Variants in SH3RF3 observed in about 807,000 individuals in gnomAD.
SH3RF3 encodes E3 ubiquitin-protein ligase SH3RF3.
SH3RF3 carries 29 observed loss-of-function variants against 66.3 expected under a neutral mutation model. The ratio of observed to expected loss-of-function variants is 0.44; its 90% CI spans 0.33 to 0.60. The LOEUF (loss-of-function observed/expected upper bound fraction) is 0.60. Among genes scored for constraint, SH3RF3 ranks in the 20% least tolerant of loss-of-function variants. The pLI is 0.04. For missense variants in SH3RF3, 1,194 were observed against 1,190.9 expected (o/e 1.00, Z -0.04); for synonymous variants, 583 against 532.0 (o/e 1.10, Z -1.32).
intron 1 of SH3RF3, among the ~76,000 whole-genome samples, chr2:109,148,917 A>C (rs150220648): frequency 6.6e-6 from 1 of 152,314 alleles, no homozygotes; most frequent in African/African-American, 2.4e-5. Flanking sequence ...ACCCAAAAAA[A>C]ATCAAGTTCT....
intron 8 of SH3RF3, among the ~76,000 whole-genome samples, chr2:109,487,241 C>T (rs926030138): frequency 5.3e-5 from 8 of 152,188 alleles, no homozygotes; most frequent in Non-Finnish European, 1.2e-4. Flanking sequence ...ACCTCTTCTC[C>T]TCCCACGGTG....
intron 1 of SH3RF3, among the ~76,000 whole-genome samples, chr2:109,334,997 C>G (rs947986454): frequency 6.6e-6 from 1 of 152,256 alleles, no homozygotes; most frequent in Admixed American, 6.5e-5. Context: ...GCTCTGAGAA[C>G]GCGATTTATG....
intron 1 of SH3RF3, among the ~76,000 whole-genome samples, chr2:109,323,005 G>T (rs1403199429): frequency 6.6e-6 from 1 of 152,218 alleles, no homozygotes; most frequent in Non-Finnish European, 1.5e-5. Flanking sequence ...GAGCTGTGTT[G>T]CAGAGGGATT....
At chr2:109,324,918 C>A (rs1682113595) in intron 1 of SH3RF3, among the ~76,000 whole-genome samples, 1 of 152,226 alleles carries the variant, frequency 6.6e-6, no homozygotes, top group African/African-American at 2.4e-5. Flanking sequence ...CCCAAACCCT[C>A]TCCTCTTGCC....
chr2:109,293,065 C>T (rs1681225993), intron 1 of SH3RF3, among the ~76,000 whole-genome samples: 1 of 152,208 alleles, frequency 6.6e-6, no homozygotes, highest in Admixed American at 6.5e-5. Flanking sequence ...AGCTGCAGTT[C>T]AGGGAGGGTC....
chr2:109,178,056 A>G (rs933376412), intron 1 of SH3RF3, among the ~76,000 whole-genome samples: 1 of 152,212 alleles, frequency 6.6e-6, no homozygotes, highest in East Asian at 1.9e-4. Flanking sequence ...TTGCTAAGGT[A>G]TAAGCAAACA....
intron 1 of SH3RF3, among the ~76,000 whole-genome samples, chr2:109,253,803 A>G (rs538831391): frequency 1.3e-5 from 2 of 152,324 alleles, no homozygotes; most frequent in African/African-American, 4.8e-5. Context: ...AGGTTGACAC[A>G]CAAAGATTTA....
At chr2:109,270,592 C>A (rs1195522694) in intron 1 of SH3RF3, among the ~76,000 whole-genome samples, 4 of 152,198 alleles carry the variant, frequency 2.6e-5, no homozygotes, top group Non-Finnish European at 5.9e-5. Context: ...AAGCGGACTT[C>A]ATCCCAGGAG....
intron 1 of SH3RF3, among the ~76,000 whole-genome samples, chr2:109,249,209 A>G (rs1039562007): frequency 6.6e-6 from 1 of 152,206 alleles, no homozygotes; most frequent in African/African-American, 2.4e-5. Context: ...ACTTCAGCTA[A>G]GCAACTCCCC....
intron 2 of SH3RF3, among the ~76,000 whole-genome samples, chr2:109,350,982 G>T (rs1418331786): frequency 2.0e-5 from 3 of 152,198 alleles, no homozygotes; most frequent in Non-Finnish European, 4.4e-5. Context: ...TTTACCTTTG[G>T]TGTTTGCTTT....
chr2:109,233,019 G>A (rs1008729397), intron 1 of SH3RF3, among the ~76,000 whole-genome samples: 3 of 152,120 alleles, frequency 2.0e-5, no homozygotes, highest in Admixed American at 2.0e-4. Flanking sequence ...CAAACCCCTT[G>A]CAGGATGGGA....
intron 6 of SH3RF3, among the ~76,000 whole-genome samples, chr2:109,435,137 T>C (rs1298286641): frequency 1.3e-5 from 2 of 152,198 alleles, no homozygotes; most frequent in Non-Finnish European, 2.9e-5. Context: ...CAGGAGGTCA[T>C]TGAGTGTCCT....
chr2:109,267,391 G>A (rs72822682), intron 1 of SH3RF3, among the ~76,000 whole-genome samples: 1,953 of 152,316 alleles, frequency 0.013, 11 homozygotes, highest in Middle Eastern at 0.027. Context: ...TACAAGTGCT[G>A]AGCTTGCCCG....
chr2:109,249,345 C>T (rs1558980995), intron 1 of SH3RF3, among the ~76,000 whole-genome samples: 1 of 152,152 alleles, frequency 6.6e-6, no homozygotes, highest in Admixed American at 6.5e-5. Flanking sequence ...TGCAAAAAAT[C>T]CCCGAGCAAG....
intron 8 of SH3RF3, among the ~76,000 whole-genome samples, chr2:109,479,200 C>T (rs934006849): frequency 4.6e-5 from 7 of 152,112 alleles, no homozygotes; most frequent in Admixed American, 1.3e-4. Flanking sequence ...CTCAGGGTCA[C>T]GCAGTGGCAT....
At position 109,350,475 on chromosome 2, in the gene SH3RF3, G is replaced by A. The variant is rs555773811; in HGVS notation, c.849+2526G>A. Among the ~76,000 whole-genome samples, 22 of 152,294 alleles carry A rather than the reference G, an allele frequency of 1.4e-4. No individual in the cohort carries two copies. In the East Asian group the frequency reaches 3.5e-3, roughly 24 times the overall value. ...CCCAGAGGGACTTGTGCTGTGACAC[G>A]ACCTTCCTGCCATGCTCCTATGCCC... On this transcript the variant is annotated intron_variant, in intron 2 of 9. Transcript: ENST00000309415.
At chr2:109,218,058 G>A (rs1679140989) in intron 1 of SH3RF3, among the ~76,000 whole-genome samples, 1 of 152,160 alleles carries the variant, frequency 6.6e-6, no homozygotes, top group African/African-American at 2.4e-5. Flanking sequence ...AGACAGCTGC[G>A]GGGAGGGGTG....
At chr2:109,282,628 C>A (rs1029897246) in intron 1 of SH3RF3, among the ~76,000 whole-genome samples, 2 of 152,216 alleles carry the variant, frequency 1.3e-5, no homozygotes, top group Non-Finnish European at 1.5e-5. Context: ...CTCTCGCCTC[C>A]GTGGTGGGAG....
At chr2:109,180,125 T>C (rs1678042235) in intron 1 of SH3RF3, among the ~76,000 whole-genome samples, 1 of 151,974 alleles carries the variant, frequency 6.6e-6, no homozygotes, top group Non-Finnish European at 1.5e-5. Flanking sequence ...GAAGTTTTTT[T>C]TTTTTTCTCT....
Sources: gnomAD v4.1 joint callset for allele counts (sites outside exome capture counted in the v4.1 genomes callset) on GRCh38, gnomAD v4.1.1 for gene constraint, MANE v1.5 for transcripts, NCBI Gene and HGNC (gene_info 2026-07-23, HGNC 2026-07-21) for gene names.